The following GLUD1 variants were observed in gnomAD, a reference collection of about 807,000 sequenced individuals.
GLUD1 encodes the protein glutamate dehydrogenase 1, mitochondrial.
Under a neutral mutation model 56.0 loss-of-function variants are expected in GLUD1, and 22 were observed. The ratio of observed to expected loss-of-function variants is 0.39; its 90% CI spans 0.28 to 0.56. The LOEUF is 0.56. Ranked by LOEUF, GLUD1 falls within the 20% of genes least tolerant of loss-of-function variation. GLUD1 has a pLI of 0.58. For missense variants in GLUD1, 451 were observed against 732.0 expected, an observed-to-expected ratio of 0.62 and a Z score of 4.43; for synonymous variants, 223 against 269.9, an observed-to-expected ratio of 0.83 and a Z score of 1.70.
intron 1 of GLUD1, chr10:87,089,731 C>T: frequency 1.0e-6 from 1 of 980,706 alleles, no homozygotes; most frequent in Non-Finnish European, 1.2e-6. Context: ...AGTAGTATTT[C>T]ACATATTAAC....
In GLUD1 at chr10:87,051,442, C is replaced by T; in HGVS notation, c.*309G>A. 2.3e-6 allele frequency: 1 copy of T among 430,032 alleles called. No individual in the cohort carries two copies. Among genetic ancestry groups the T allele is most frequent in the African/African-American group, 2.0e-5 (1 of 49,282 alleles). The allele number at this position is 430,032 out of a possible 1,614,324, so 26.6% of individuals were successfully genotyped here. The stretch of plus-strand genomic sequence containing the variant: ...TGACTGTTCCTCCCCAGCACTAGCA[C>T]TGATTGTGTTGGGAAAAGCCACAGA... On this transcript the variant is annotated 3_prime_UTR_variant, in exon 13 of 13. Coordinates refer to ENST00000277865, the MANE Select transcript of GLUD1 (RefSeq NM_005271.5).
At chr10:87,089,612 G>C (rs1344231717) in intron 1 of GLUD1, 1 of 985,164 alleles carries the variant, frequency 1.0e-6, no homozygotes, top group African/African-American at 1.7e-5. Context: ...TGTGGCTGCA[G>C]AATCTTCTAG....
chr10:87,085,916 TC>T (rs1177114729), intron 1 of GLUD1, among the ~76,000 whole-genome samples: 2 of 152,246 alleles, frequency 1.3e-5, no homozygotes, highest in Admixed American at 6.5e-5. Context: ...AGCTGCACTT[TC>T]ACACCAAACA....
intron 3 of GLUD1, among the ~76,000 whole-genome samples, chr10:87,075,370 T>G (rs904202030): frequency 3.9e-5 from 6 of 152,040 alleles, no homozygotes; most frequent in African/African-American, 1.4e-4. Context: ...ACGTTTTAAC[T>G]AAGTAAGAAA....
At chr10:87,078,286 A>G (rs1168308133) in intron 1 of GLUD1, among the ~76,000 whole-genome samples, 2 of 152,174 alleles carry the variant, frequency 1.3e-5, no homozygotes, top group Non-Finnish European at 2.9e-5. Context: ...CACACAGCAG[A>G]TATCTGTATA....
At chr10:87,074,458 A>G (rs565325254) in intron 4 of GLUD1, 93 bp downstream of exon 4, 2 of 774,004 alleles carry the variant, frequency 2.6e-6, no homozygotes, top group South Asian at 2.8e-5. Context: ...ACTGCACTCT[A>G]GTCTGGGCAA....
chr10:87,078,294 A>G (rs1482261735), intron 1 of GLUD1, among the ~76,000 whole-genome samples: 10 of 152,204 alleles, frequency 6.6e-5, no homozygotes, highest in African/African-American at 1.7e-4. Flanking sequence ...AGATATCTGT[A>G]TAGCTCACTC....
At chr10:87,059,095 GC>G in intron 10 of GLUD1, 54 bp downstream of exon 10, 1 of 1,604,026 alleles carries the variant, frequency 6.2e-7, no homozygotes, top group South Asian at 1.1e-5. Context: ...CCTTTTTACA[GC>G]CTTTCAGCTG....
At chr10:87,092,190 A>G (rs992173596) in intron 1 of GLUD1, among the ~76,000 whole-genome samples, 7 of 152,336 alleles carry the variant, frequency 4.6e-5, no homozygotes, top group Non-Finnish European at 8.8e-5. Flanking sequence ...ATAGTACCCA[A>G]ATTTTGCTGA....
chr10:87,076,338 A>G (rs1846393536), intron 2 of GLUD1, among the ~76,000 whole-genome samples: 1 of 152,184 alleles, frequency 6.6e-6, no homozygotes, highest in Admixed American at 6.5e-5. Flanking sequence ...TGAGGAATTG[A>G]AAACAAAGAT....
intron 1 of GLUD1, chr10:87,092,623 G>T (rs1841536831): frequency 1.0e-6 from 1 of 981,964 alleles, no homozygotes; most frequent in Non-Finnish European, 1.2e-6. Flanking sequence ...TTGCGGAGCT[G>T]CGACTTATAA....
intron 11 of GLUD1, among the ~76,000 whole-genome samples, chr10:87,054,296 C>T (rs575927816): frequency 6.6e-6 from 1 of 152,224 alleles, no homozygotes; most frequent in African/African-American, 2.4e-5. Context: ...CTTCAAACCA[C>T]AAGGCTAAGT....
chr10:87,071,947 A>ATATTCAG (rs1846250040), intron 4 of GLUD1, among the ~76,000 whole-genome samples: 1 of 152,238 alleles, frequency 6.6e-6, no homozygotes, highest in Admixed American at 6.5e-5. Context: ...AAGACATCTC[A>ATATTCAG]TATTCAGCAT....
At chr10:87,063,704 A>C (rs2133802544) in intron 5 of GLUD1, among the ~76,000 whole-genome samples, 1 of 151,916 alleles carries the variant, frequency 6.6e-6, no homozygotes, top group South Asian at 2.1e-4. Context: ...ATGACATTCA[A>C]GTTCATCTAA....
In GLUD1 at chr10:87,094,109, G is replaced by T; in HGVS notation, c.445+216C>A. The T allele has an allele frequency of 6.7e-7, 1 of 1,499,608 alleles. No homozygotes were observed. The highest frequency in any genetic ancestry group is 2.1e-5 in the Admixed American group (1 of 47,272). The allele number at this position is 1,499,608 out of a possible 1,614,324, so 92.9% of individuals were successfully genotyped here. ...ATACAGAGGCCCGGGGTGACGGCGCGGGGGAGGGGGCAGGCCAATCGCATG... is the reference window on the plus strand; with the variant it reads ...ATACAGAGGCCCGGGGTGACGGCGCTGGGGAGGGGGCAGGCCAATCGCATG... On this transcript the variant is annotated intron_variant, in intron 1 of 12. Transcript: ENST00000277865. The surrounding 1 kb of genome is among the most constrained non-coding windows in gnomAD (Gnocchi z 6.6).
In GLUD1 at chr10:87,060,993, A is replaced by G. The variant is rs1483630695; in HGVS notation, c.981T>C (p.Cys327=). ...TCCCATCAGACTCACCAACAGCAAT[A>G]CATTTAGCACCAAAACGATGTAAAT... ...MRYLHRFGAK[C]IAVGESDGSI... The change falls in exon 7 of 13, where the codon TGT becomes TGC. Residue 327 remains cysteine, a synonymous_variant. Coordinates refer to ENST00000277865, the MANE Select transcript of GLUD1 (RefSeq NM_005271.5). 1 of 1,613,860 alleles carries G rather than the reference A, an allele frequency of 6.2e-7. No individual in the cohort carries two copies. The highest frequency in any genetic ancestry group is 1.3e-5 in the African/African-American group (1 of 74,936).
At chr10:87,076,441 G>C in intron 2 of GLUD1, 135 bp downstream of exon 2, 1 of 693,654 alleles carries the variant, frequency 1.4e-6, no homozygotes, top group Non-Finnish European at 2.6e-6. Flanking sequence ...GAAAAATGAT[G>C]CAGGTCTTAA....
intron 8 of GLUD1, 64 bp from the exon 9 acceptor site, chr10:87,060,305 C>T (rs1482607624): frequency 8.7e-6 from 9 of 1,036,694 alleles, no homozygotes; most frequent in Admixed American, 6.7e-5. Flanking sequence ...CCACTGAGGG[C>T]AAGAGATGTG....
chr10:87,080,003 T>C (rs1362498185), intron 1 of GLUD1, among the ~76,000 whole-genome samples: 1 of 147,566 alleles, frequency 6.8e-6, no homozygotes, highest in Non-Finnish European at 1.5e-5. Flanking sequence ...AGCTGGACTG[T>C]ACTGCTGCCA....
Sources: gnomAD v4.1 joint callset for allele counts (sites outside exome capture counted in the v4.1 genomes callset) on GRCh38, gnomAD v4.1.1 for gene constraint, Gnocchi (gnomAD v3.1) non-coding constraint, MANE v1.5 for transcripts, NCBI Gene and HGNC (gene_info 2026-07-23, HGNC 2026-07-21) for gene names.